IL1RAPL1: variants seen among roughly 807,000 people sequenced by gnomAD.
The protein encoded by IL1RAPL1 is interleukin 1 receptor accessory protein like 1, also known as interleukin-1 receptor accessory protein-like 1.
In IL1RAPL1, 3 loss-of-function variants were observed where a neutral mutation model predicts 48.4. That is an observed-to-expected ratio of 0.06 (90% CI 0.03 to 0.16). The LOEUF (loss-of-function observed/expected upper bound fraction) is 0.16, where lower values mean the gene tolerates loss of function less well. Among genes scored for constraint, IL1RAPL1 ranks in the 10% least tolerant of loss-of-function variants. The pLI is 1.00. For missense variants in IL1RAPL1, 349 were observed against 530.6 expected (o/e 0.66, Z 3.36); for synonymous variants, 185 against 187.7 (o/e 0.99, Z 0.12).
chrX:29,270,110 G>T (rs1473897816), intron 2 of IL1RAPL1, among the ~76,000 whole-genome samples: 1 of 111,553 alleles, frequency 9.0e-6, no homozygotes, highest in Non-Finnish European at 1.9e-5. Flanking sequence ...TTTTTAACTA[G>T]TATTTAATTA....
intron 1 of IL1RAPL1, among the ~76,000 whole-genome samples, chrX:28,776,775 G>A (rs1328505775): frequency 9.0e-6 from 1 of 111,579 alleles, no homozygotes; most frequent in African/African-American, 3.3e-5. Context: ...TAATAAGATA[G>A]TACATATAAA....
intron 2 of IL1RAPL1, among the ~76,000 whole-genome samples, chrX:29,078,280 C>G (rs1470833349): frequency 1.8e-5 from 2 of 110,390 alleles, no homozygotes; most frequent in African/African-American, 3.3e-5. Context: ...AAAATTCCAT[C>G]TCAAACAAAA....
rs200429183 is a variant in IL1RAPL1 at position 28,888,273 on chromosome X, C to A, written c.82+98848C>A. 9.0e-4 allele frequency among the ~76,000 whole-genome samples: 95 copies of A among 105,070 alleles called. 1 individual carries two copies. The highest frequency in any genetic ancestry group is 5.7e-3 in the Admixed American group (56 of 9,815). The allele number at this position is 105,070 out of a possible 115,157, so 91.2% of individuals were successfully genotyped here. A position where few individuals can be genotyped will look rare whatever the true frequency, so the allele number is the denominator to read the frequency against. ...CCACGTACTGGTAAAAAAAAAAAAA[C>A]AAAAACATAAAAGCAAGCAAATGTT... On this transcript the variant is annotated intron_variant, in intron 2 of 10. Transcript: ENST00000378993.
intron 1 of IL1RAPL1, among the ~76,000 whole-genome samples, chrX:28,779,221 T>C (rs1434802746): frequency 1.8e-5 from 2 of 111,152 alleles, no homozygotes; most frequent in African/African-American, 3.3e-5. Context: ...TTGCAAGGGA[T>C]GATTCCATTG....
rs180818622 is a variant in IL1RAPL1, at chrX:29,106,714, A to G, written c.83-176224A>G. Among the ~76,000 whole-genome samples, 505 of 112,056 alleles carry G rather than the reference A, an allele frequency of 4.5e-3. 4 individuals are homozygous for G. The highest frequency in any genetic ancestry group is 0.041 in the Middle Eastern group (9 of 217). On this transcript the variant is annotated intron_variant, in intron 2 of 10. Coordinates refer to ENST00000378993, the MANE Select transcript of IL1RAPL1 (RefSeq NM_014271.4). ...ATTTGAGCATAATCTAGGTTGAGAG[A>G]AAAGGTCATTATTCTTAGTTCTGTG... is the stretch of plus-strand genomic sequence containing the variant.
intron 5 of IL1RAPL1, among the ~76,000 whole-genome samples, chrX:29,553,889 G>A (rs7054133): frequency 2.1e-4 from 23 of 109,134 alleles, no homozygotes; most frequent in African/African-American, 7.0e-4. Flanking sequence ...TAAAAATTAC[G>A]GTTTAAGGAT....
At chrX:29,768,137 CAA>C (rs771923719) in intron 6 of IL1RAPL1, among the ~76,000 whole-genome samples, 57 of 111,628 alleles carry the variant, frequency 5.1e-4, no homozygotes, top group Non-Finnish European at 9.4e-4. Context: ...AGTATATTGA[CAA>C]GTTTTGTGAT....
intron 2 of IL1RAPL1, among the ~76,000 whole-genome samples, chrX:28,810,178 T>C (rs1936777515): frequency 9.1e-6 from 1 of 110,044 alleles, no homozygotes; most frequent in Non-Finnish European, 1.9e-5. Context: ...AGGTTAATAA[T>C]GGATATTTAA....
chrX:28,606,541 C>T (rs1194884353), intron 1 of IL1RAPL1, among the ~76,000 whole-genome samples: 1 of 112,196 alleles, frequency 8.9e-6, no homozygotes. Context: ...CAGTAGCTGA[C>T]AGTTCACATA....
chrX:28,659,604 G>GGCGGCT (rs748464368), intron 1 of IL1RAPL1: 156 of 399,832 alleles, frequency 3.9e-4, no homozygotes, highest in African/African-American at 3.4e-3. Context: ...GTGGCGCGGC[G>GGCGGCT]GCGGCTGCGA....
intron 8 of IL1RAPL1, among the ~76,000 whole-genome samples, chrX:29,920,849 A>AG (rs1238045877): frequency 9.2e-6 from 1 of 108,749 alleles, no homozygotes; most frequent in African/African-American, 3.3e-5. Flanking sequence ...AGAAAAAAAA[A>AG]AAACAACTAA....
chrX:29,885,816 C>G, intron 6 of IL1RAPL1, among the ~76,000 whole-genome samples: 2 of 110,916 alleles, frequency 1.8e-5, no homozygotes, highest in East Asian at 5.6e-4. Flanking sequence ...AAGACCCTGT[C>G]TCAAAAAAAC....
rs758420439 is a variant in IL1RAPL1, at chrX:29,306,186, T to G, written c.362+22969T>G. On this transcript the variant is annotated intron_variant, in intron 3 of 10. Coordinates refer to ENST00000378993, the MANE Select transcript of IL1RAPL1 (RefSeq NM_014271.4). ...TCTCATTAATTCTCACATGTTTAAT[T>G]CCCTCCAATCCAGCTGTCAGACATT... Among the ~76,000 whole-genome samples the G allele has an allele frequency of 7.1e-5, 8 of 112,057 alleles. No homozygotes were observed. The Admixed American group carries it at 7.6e-4, about 11-fold the overall frequency.
chrX:28,786,066 T>C (rs1252940335), intron 1 of IL1RAPL1, among the ~76,000 whole-genome samples: 2 of 111,866 alleles, frequency 1.8e-5, no homozygotes, highest in African/African-American at 6.5e-5. Context: ...TCCAGTCAAG[T>C]AGAAAACTGG....
chrX:29,570,255 A>G (rs1485573645), intron 5 of IL1RAPL1, among the ~76,000 whole-genome samples: 1 of 112,616 alleles, frequency 8.9e-6, no homozygotes, highest in Non-Finnish European at 1.9e-5. Context: ...TCGTACATCT[A>G]CATATGCTCA....
At chrX:29,038,855 TA>T (rs111442088) in intron 2 of IL1RAPL1, among the ~76,000 whole-genome samples, 1 of 110,492 alleles carries the variant, frequency 9.1e-6, no homozygotes, top group Non-Finnish European at 1.9e-5. Flanking sequence ...AATTCTTTCT[TA>T]AAAAAAAACT....
chrX:29,782,674 G>T (rs1005024920), intron 6 of IL1RAPL1, among the ~76,000 whole-genome samples: 2 of 110,641 alleles, frequency 1.8e-5, no homozygotes, highest in Non-Finnish European at 3.8e-5. Flanking sequence ...CCATAGAAGT[G>T]GTCATTTAGC....
At chrX:28,777,222 C>G (rs1936370941) in intron 1 of IL1RAPL1, among the ~76,000 whole-genome samples, 1 of 111,019 alleles carries the variant, frequency 9.0e-6, no homozygotes, top group Non-Finnish European at 1.9e-5. Flanking sequence ...ACTCTAATAT[C>G]CACTTCCATC....
chrX:28,948,776 C>T (rs1205535724), intron 2 of IL1RAPL1, among the ~76,000 whole-genome samples: 1 of 111,001 alleles, frequency 9.0e-6, no homozygotes, highest in Non-Finnish European at 1.9e-5. Context: ...TGCTTGAAAC[C>T]ACAGATAGTA....
Sources: allele counts gnomAD v4.1 joint callset (sites outside exome capture counted in the v4.1 genomes callset), GRCh38; gene constraint gnomAD v4.1.1; transcripts MANE v1.5; gene names NCBI Gene and HGNC (gene_info 2026-07-23, HGNC 2026-07-21).